ALDH4A1: variants seen among roughly 807,000 people sequenced by gnomAD.
ALDH4A1 encodes aldehyde dehydrogenase 4 family member A1, also known as delta-1-pyrroline-5-carboxylate dehydrogenase, mitochondrial.
In ALDH4A1, 46 loss-of-function variants were observed where a neutral mutation model predicts 70.5. That is an observed-to-expected ratio of 0.65 (90% CI 0.51 to 0.83). ALDH4A1 has a LOEUF of 0.83. Ranked by LOEUF, ALDH4A1 falls within the 40% of genes least tolerant of loss-of-function variation. The pLI, the probability that ALDH4A1 is intolerant of heterozygous loss-of-function variation, is 0.00. For synonymous variants in ALDH4A1, 323 were observed against 324.3 expected, an observed-to-expected ratio of 1.00 and a Z score of 0.04; for missense variants, 749 against 766.5, an observed-to-expected ratio of 0.98 and a Z score of 0.27.
At chr1:18,902,336 G>A (rs1054079696) in intron 1 of ALDH4A1, 126 bp downstream of exon 1, 3 of 757,126 alleles carry the variant, frequency 4.0e-6, no homozygotes, top group Admixed American at 4.3e-5. Context: ...TGAGGAACCC[G>A]GCGTTGACCG....
chr1:18,893,178 T>A (rs1419042553), intron 1 of ALDH4A1, among the ~76,000 whole-genome samples: 1 of 152,136 alleles, frequency 6.6e-6, no homozygotes. Flanking sequence ...GCCCCAGAAG[T>A]GGACAAATCC....
Position 18,890,078 on chromosome 1 carries a change from C to T in ALDH4A1, c.90G>A (p.Leu30=). The T allele has an allele frequency of 6.2e-7, 1 of 1,612,860 alleles. No individual in the cohort carries two copies. The highest frequency in any genetic ancestry group is 8.5e-7 in the Non-Finnish European group (1 of 1,179,742). The stretch of plus-strand genomic sequence containing the variant: ...CTAAGACGGGCTCGTTGGCCACCTT[C>T]AGGGAGGAGGTGTGCTTCCACCGCA... ...AGLRWKHTSS[L]KVANEPVLAF... The change falls in exon 2 of 15, where the codon CTG becomes CTA. Residue 30 remains leucine (L), a synonymous_variant. Transcript: ENST00000375341.
chr1:18,873,560 G>A (rs1163378875), intron 14 of ALDH4A1, among the ~76,000 whole-genome samples: 4 of 152,170 alleles, frequency 2.6e-5, no homozygotes, highest in Non-Finnish European at 4.4e-5. Flanking sequence ...TGAATCAATC[G>A]TGCCTGTGTA....
chr1:18,875,524 T>C, intron 12 of ALDH4A1, 21 bp from the exon 13 acceptor site: 1 of 1,613,800 alleles, frequency 6.2e-7, no homozygotes, highest in African/African-American at 1.3e-5. Flanking sequence ...GGCCCCGGCG[T>C]CAGACCCTCC....
chr1:18,881,490 G>T (rs143753490), intron 8 of ALDH4A1, among the ~76,000 whole-genome samples: 1 of 152,292 alleles, frequency 6.6e-6, no homozygotes, highest in East Asian at 1.9e-4. Flanking sequence ...TCCTTGCAAT[G>T]ACTCTGCAAA....
At chr1:18,879,812 C>T (rs1934892133) in intron 8 of ALDH4A1, among the ~76,000 whole-genome samples, 1 of 152,188 alleles carries the variant, frequency 6.6e-6, no homozygotes, top group African/African-American at 2.4e-5. Context: ...CCCCCCAAGC[C>T]CAGCGCCCAG....
Position 18,881,861 on chromosome 1 carries a change from A to T in ALDH4A1, c.705T>A (p.Ser235Arg), listed in dbSNP as rs1460681799. Residue 235 changes from serine to arginine, a missense_variant, in exon 8 of 15, where the codon AGT becomes AGA. Physicochemically the swap from Ser to Arg is moderately radical, Grantham distance 110. Coordinates refer to ENST00000375341, the MANE Select transcript of ALDH4A1 (RefSeq NM_003748.4). ...CATAGCTGGCCAGCATGGCAGTGTC[A>T]CTGGGCTTCCATAGGACCACGTTGC... ...LMGNVVLWKPSDTAMLASYAV... is the reference protein window; with the variant it reads ...LMGNVVLWKPRDTAMLASYAV... The T allele has an allele frequency of 6.2e-7, 1 of 1,613,708 alleles. No individual in the cohort carries two copies.
At chr1:18,884,756 GA>G (rs772382263) in intron 5 of ALDH4A1, among the ~76,000 whole-genome samples, 27 of 152,338 alleles carry the variant, frequency 1.8e-4, no homozygotes, top group Non-Finnish European at 3.2e-4. Context: ...ATGCTCTGGG[GA>G]AACAGAGGCA....
At chr1:18,873,689 C>A (rs1369489021) in intron 14 of ALDH4A1, among the ~76,000 whole-genome samples, 1 of 152,194 alleles carries the variant, frequency 6.6e-6, no homozygotes, top group East Asian at 1.9e-4. Context: ...GGTGCCCCTG[C>A]CGGGGACCCT....
In ALDH4A1 at chr1:18,902,503, C is replaced by G. The variant is rs1262326014; in HGVS notation, c.21G>C (p.Ala7=). 1.4e-6 allele frequency: 2 copies of G among 1,479,508 alleles called. No individual in the cohort carries two copies. The highest frequency in any genetic ancestry group is 1.8e-6 in the Non-Finnish European group (2 of 1,115,658). The allele number at this position is 1,479,508 out of a possible 1,614,324, so 91.6% of individuals were successfully genotyped here. The change falls in exon 1 of 15, where the codon GCG becomes GCC. Residue 7 remains alanine, a synonymous_variant. Coordinates refer to ENST00000375341, the MANE Select transcript of ALDH4A1 (RefSeq NM_003748.4). MLLPAP[A]LRRALLSRPW... ...GGCGGGACAGCAGGGCGCGGCGGAG[C>G]GCGGGCGCCGGCAGCAGCATCTCGG...
intron 3 of ALDH4A1, among the ~76,000 whole-genome samples, chr1:18,888,836 AC>A (rs2100590461): frequency 6.6e-6 from 1 of 152,048 alleles, no homozygotes; most frequent in Admixed American, 6.5e-5. Flanking sequence ...CCCCTCAGTC[AC>A]CCCTCCCCCT....
At position 18,886,479 on chromosome 1, in the gene ALDH4A1, G is replaced by A; in HGVS notation, c.282C>T (p.Phe94=). The part of the protein sequence containing the change: ...PFNHGHKVAK[F]CYADKSLLNK... ...GCTCACTCACCTTGTCTGCATAACAGAACTTGGCCACCTTATGTCCATGGT... is the reference window on the plus strand; with the variant it reads ...GCTCACTCACCTTGTCTGCATAACAAAACTTGGCCACCTTATGTCCATGGT... Residue 94 remains phenylalanine, a synonymous_variant, in exon 4 of 15, where the codon TTC becomes TTT. Transcript: ENST00000375341. 6.2e-7 allele frequency: 1 copy of A among 1,614,238 alleles called. No homozygotes were observed. The highest frequency in any genetic ancestry group is 8.5e-7 in the Non-Finnish European group (1 of 1,180,046).
At position 18,880,069 on chromosome 1, in the gene ALDH4A1, C is replaced by T. The variant is rs1324536005; in HGVS notation, c.867-696G>A. 6.6e-6 allele frequency among the ~76,000 whole-genome samples: 1 copy of T among 152,222 alleles called. No homozygotes were observed. On this transcript the variant is annotated intron_variant, in intron 8 of 14. Transcript: ENST00000375341. This position sits in a 1 kb window ranked among gnomAD's most constrained non-coding sequence, Gnocchi z 5.1. ...GAATGGGGTCCAGGCCCGCTCCGCC[C>T]GCTGATAGGCGGGGAGCCCAGGGGC... is the stretch of plus-strand genomic sequence containing the variant.
chr1:18,897,414 G>A lies in ALDH4A1; in HGVS notation c.62+5048C>T, dbSNP rs548452483. Among the ~76,000 whole-genome samples the A allele has an allele frequency of 2.6e-5, 4 of 152,306 alleles. No individual in the cohort carries two copies. The East Asian group carries it at 7.7e-4, about 29-fold the overall frequency. On this transcript the variant is annotated intron_variant, in intron 1 of 14. Coordinates refer to ENST00000375341, the MANE Select transcript of ALDH4A1 (RefSeq NM_003748.4). ...AAAAATTAGCTGGACGTGGTGGCGTGTGCCTGTAGTCTCAGCTACTTAGGA... is the reference window on the plus strand; with the variant it reads ...AAAAATTAGCTGGACGTGGTGGCGTATGCCTGTAGTCTCAGCTACTTAGGA...
intron 8 of ALDH4A1, 146 bp downstream of exon 8, chr1:18,881,554 A>C: frequency 1.3e-6 from 1 of 781,478 alleles, no homozygotes; most frequent in Non-Finnish European, 2.1e-6. Flanking sequence ...AGAGAGGTGA[A>C]GTGGCTCACT....
chr1:18,883,532 G>A (rs1344387395), intron 5 of ALDH4A1, 104 bp from the exon 6 acceptor site: 2 of 1,499,914 alleles, frequency 1.3e-6, no homozygotes, highest in Non-Finnish European at 1.8e-6. Flanking sequence ...CCGGGCCCCA[G>A]GAGGGACCAG....
chr1:18,879,192 C>A, intron 9 of ALDH4A1, 108 bp downstream of exon 9: 2 of 1,136,086 alleles, frequency 1.8e-6, no homozygotes, highest in Non-Finnish European at 2.6e-6. Flanking sequence ...TGAAATGGTT[C>A]ATCCACCTGA....
Position 18,885,477 on chromosome 1 carries a change from C to T in ALDH4A1, c.449G>A (p.Gly150Glu), listed in dbSNP as rs1280663041. 4 of 1,338,344 alleles carry T rather than the reference C, an allele frequency of 3.0e-6. No individual in the cohort carries two copies. Among genetic ancestry groups the T allele is most frequent in the Non-Finnish European group, 3.9e-6 (4 of 1,023,952 alleles). The allele number at this position is 1,338,344 out of a possible 1,614,324, so 82.9% of individuals were successfully genotyped here. ...RAEILAKTMV[G>E]QGKTVIQAEI... is the part of the protein sequence containing the mutation. ...CCGGGCCCACCAGCACCTCACCTGT[C>T]CCACCATGGTCTTGGCGAGGATCTC... The change falls in exon 5 of 15, where the codon GGA becomes GAA. Residue 150 changes from glycine (G) to glutamate (E), a missense_variant. Transcript: ENST00000375341.
intron 3 of ALDH4A1, among the ~76,000 whole-genome samples, chr1:18,888,143 A>G (rs1449338502): frequency 6.6e-6 from 1 of 152,228 alleles, no homozygotes; most frequent in African/African-American, 2.4e-5. Context: ...GGAACGGACA[A>G]TGCAGATCTG....
Sources: gnomAD v4.1 joint callset for allele counts (sites outside exome capture counted in the v4.1 genomes callset) on GRCh38, gnomAD v4.1.1 for gene constraint, Gnocchi (gnomAD v3.1) non-coding constraint, MANE v1.5 for transcripts, NCBI Gene and HGNC (gene_info 2026-07-23, HGNC 2026-07-21) for gene names.